AZIN1: variants seen among roughly 807,000 people sequenced by gnomAD.
The protein encoded by AZIN1 is antizyme inhibitor 1.
In AZIN1, 12 loss-of-function variants were observed where a neutral mutation model predicts 47.4. The observed-to-expected ratio is 0.25, with a 90% CI of 0.16 to 0.41. AZIN1 has a LOEUF of 0.41. Ranked by LOEUF, AZIN1 falls within the 10% of genes least tolerant of loss-of-function variation. AZIN1 has a pLI of 1.00. For synonymous variants in AZIN1, 155 were observed against 176.3 expected (o/e 0.88, Z 0.96); for missense variants, 410 against 532.4 (o/e 0.77, Z 2.26).
Position 102,864,132 on chromosome 8 carries a change from A to T in AZIN1, c.-559T>A, listed in dbSNP as rs1813957050. On this transcript the variant is annotated 5_prime_UTR_variant, in exon 1 of 12. Transcript: ENST00000337198. ...AGGCGACGGCAGAAGAAAAAAGGAA[A>T]AACTGCGGCCGCGATCAGAGCCTGA... The T allele has an allele frequency of 5.8e-6, 1 of 171,084 alleles. No homozygotes were observed. Among genetic ancestry groups the T allele is most frequent in the Non-Finnish European group, 1.2e-5 (1 of 80,638 alleles). The allele number at this position is 171,084 out of a possible 1,614,324, so 10.6% of individuals were successfully genotyped here. A position where few individuals can be genotyped will look rare whatever the true frequency, so the allele number is the denominator to read the frequency against.
At chr8:102,841,614 G>T (rs1253421817) in intron 3 of AZIN1, among the ~76,000 whole-genome samples, 2 of 152,060 alleles carry the variant, frequency 1.3e-5, no homozygotes, top group East Asian at 3.9e-4. Flanking sequence ...GGAAGACAAA[G>T]GGATTTTTGC....
At chr8:102,850,720 G>A (rs1812865577) in intron 2 of AZIN1, among the ~76,000 whole-genome samples, 1 of 152,152 alleles carries the variant, frequency 6.6e-6, no homozygotes, top group South Asian at 2.1e-4. Flanking sequence ...CAATAAGAAA[G>A]CCAGTAATCA....
At chr8:102,844,495 T>C (rs1812433424) in intron 2 of AZIN1, among the ~76,000 whole-genome samples, 1 of 152,214 alleles carries the variant, frequency 6.6e-6, no homozygotes, top group Non-Finnish European at 1.5e-5. Context: ...GTTAGCAATG[T>C]TATGAGGTGA....
intron 2 of AZIN1, among the ~76,000 whole-genome samples, chr8:102,845,609 G>A (rs1586183577): frequency 6.6e-6 from 1 of 151,844 alleles, no homozygotes; most frequent in South Asian, 2.1e-4. Context: ...AATTTTGGGG[G>A]GATATTCAAC....
At chr8:102,860,471 G>C (rs1193887979) in intron 1 of AZIN1, among the ~76,000 whole-genome samples, 1 of 151,714 alleles carries the variant, frequency 6.6e-6, no homozygotes, top group Non-Finnish European at 1.5e-5. Context: ...CATCATATTG[G>C]CCAGGCTGGT....
At chr8:102,847,215 ATT>A (rs1812619443) in intron 2 of AZIN1, among the ~76,000 whole-genome samples, 1 of 152,140 alleles carries the variant, frequency 6.6e-6, no homozygotes, top group Non-Finnish European at 1.5e-5. Context: ...GTACATTAAC[ATT>A]TGTTTTCTTT....
At chr8:102,844,580 C>A (rs1434357409) in intron 2 of AZIN1, among the ~76,000 whole-genome samples, 1 of 151,604 alleles carries the variant, frequency 6.6e-6, no homozygotes, top group Admixed American at 6.6e-5. Flanking sequence ...GAATCTACAT[C>A]AATTTCTCTA....
At chr8:102,829,018 A>ACT (rs1811273302) in intron 11 of AZIN1, among the ~76,000 whole-genome samples, 1 of 152,254 alleles carries the variant, frequency 6.6e-6, no homozygotes. Context: ...TATTAAACAG[A>ACT]GTAACATGCT....
chr8:102,854,070 G>C (rs375843922), intron 2 of AZIN1, among the ~76,000 whole-genome samples: 1 of 151,974 alleles, frequency 6.6e-6, no homozygotes, highest in Non-Finnish European at 1.5e-5. Context: ...TAGTAGCTGG[G>C]ATTACATGCG....
At chr8:102,829,029 G>A (rs753235390) in intron 11 of AZIN1, among the ~76,000 whole-genome samples, 21 of 152,192 alleles carry the variant, frequency 1.4e-4, no homozygotes, top group African/African-American at 3.6e-4. Context: ...GTAACATGCT[G>A]TACAGGTTTG....
intron 2 of AZIN1, chr8:102,856,098 T>G (rs934462331): frequency 1.2e-4 from 18 of 150,866 alleles, no homozygotes; most frequent in Middle Eastern, 3.2e-3. Context: ...TTTTTGTTTT[T>G]TTTTTTTTTT....
chr8:102,852,359 T>TGA (rs1222715375), intron 2 of AZIN1, among the ~76,000 whole-genome samples: 1 of 152,182 alleles, frequency 6.6e-6, no homozygotes, highest in African/African-American at 2.4e-5. Flanking sequence ...GCAGATCACC[T>TGA]GAGGTCAGGA....
Position 102,829,451 on chromosome 8 carries a change from G to A in AZIN1, c.1056C>T (p.Ser352=), listed in dbSNP as rs141624122. 6.2e-6 allele frequency: 10 copies of A among 1,612,994 alleles called. No homozygotes were observed. The highest frequency in any genetic ancestry group is 8.5e-6 in the Non-Finnish European group (10 of 1,179,716). ...GCTCATCACAGGATGGACCCCAAAGGCTGCTTGTAAACAGAGGCTCATCTT... is the reference window on the plus strand; with the variant it reads ...GCTCATCACAGGATGGACCCCAAAGACTGCTTGTAAACAGAGGCTCATCTT... ...YKEDEPLFTS[S]LWGPSCDELD... The change falls in exon 11 of 12, where the codon AGC becomes AGT. Residue 352 remains serine, a synonymous_variant. Coordinates refer to ENST00000337198, the MANE Select transcript of AZIN1 (RefSeq NM_148174.4).
At position 102,829,632 on chromosome 8, in the gene AZIN1, C is replaced by G. The variant is rs74944128; in HGVS notation, c.1021-146G>C. 5.6e-3 allele frequency: 4,854 copies of G among 860,302 alleles called. 70 individuals are homozygous for G. Among genetic ancestry groups the G allele is most frequent in the African/African-American group, 0.041 (2,386 of 58,906 alleles). The allele number at this position is 860,302 out of a possible 1,614,324, so 53.3% of individuals were successfully genotyped here. A position where few individuals can be genotyped will look rare whatever the true frequency, so the allele number is the denominator to read the frequency against. ...CAAGGGCAGGGTGCTACTTAAGCCT[C>G]GATGGTACCATTAACTCCACGTAAA... On this transcript the variant is annotated intron_variant, in intron 10 of 11. Transcript: ENST00000337198.
At chr8:102,837,452 A>G (rs1811894921) in intron 5 of AZIN1, among the ~76,000 whole-genome samples, 1 of 152,238 alleles carries the variant, frequency 6.6e-6, no homozygotes, top group African/African-American at 2.4e-5. Context: ...TACATAAACT[A>G]AGAAGGTTAA....
chr8:102,844,311 G>A (rs542609206), intron 2 of AZIN1, among the ~76,000 whole-genome samples: 5 of 151,704 alleles, frequency 3.3e-5, no homozygotes, highest in South Asian at 2.1e-4. Flanking sequence ...GTTTGAGACC[G>A]GCCTGGACAA....
Position 102,829,352 on chromosome 8 carries a change from T to C in AZIN1, c.1155A>G (p.Gly385=). The change falls in exon 11 of 12, where the codon GGA becomes GGG. Residue 385 remains glycine (G), a synonymous_variant. Transcript: ENST00000337198. Reference sequence around the variant, plus strand: ...CAGATGGTTCATGGAAAGAATCTGCTCCCATGTTATCAAAGATAAGCCAAT... The same window carrying C: ...CAGATGGTTCATGGAAAGAATCTGCCCCCATGTTATCAAAGATAAGCCAAT... ...VGDWLIFDNM[G]ADSFHEPSAF... is the part of the protein sequence containing the mutation. 1 of 1,614,024 alleles carries C rather than the reference T, an allele frequency of 6.2e-7. No homozygotes were observed. Among genetic ancestry groups the C allele is most frequent in the Non-Finnish European group, 8.5e-7 (1 of 1,179,928 alleles).
In AZIN1 at chr8:102,828,480, G is replaced by C; in HGVS notation, c.*87C>G. ...GTTGCCAAAAGAATTAAGAGAATAA[G>C]ATTGTTTAAATTATTTTTCCACACT... On this transcript the variant is annotated 3_prime_UTR_variant, in exon 12 of 12. Coordinates refer to ENST00000337198, the MANE Select transcript of AZIN1 (RefSeq NM_148174.4). 1 of 850,054 alleles carries C rather than the reference G, an allele frequency of 1.2e-6. No homozygotes were observed. The highest frequency in any genetic ancestry group is 1.8e-6 in the Non-Finnish European group (1 of 556,320). 52.7% of individuals were successfully genotyped at this position (850,054 alleles called of 1,614,324 possible). A position where few individuals can be genotyped will look rare whatever the true frequency, so the allele number is the denominator to read the frequency against.
intron 9 of AZIN1, among the ~76,000 whole-genome samples, chr8:102,831,991 T>A (rs992310779): frequency 3.9e-5 from 6 of 152,136 alleles, no homozygotes; most frequent in African/African-American, 1.4e-4. Flanking sequence ...GCCACTATCA[T>A]GTGCCTCCTA....
Sources: gnomAD v4.1 joint callset for allele counts (sites outside exome capture counted in the v4.1 genomes callset) on GRCh38, gnomAD v4.1.1 for gene constraint, MANE v1.5 for transcripts, NCBI Gene and HGNC (gene_info 2026-07-23, HGNC 2026-07-21) for gene names.